CIMAP3: variants seen among roughly 807,000 people sequenced by gnomAD.
The protein encoded by CIMAP3 is ciliary microtubule-associated protein 3.
At chr1:111,351,558 G>A in the CIMAP3 span, 62,664 of 364,936 alleles carry the variant, frequency 0.17, 6,072 homozygotes, top group East Asian at 0.34. Flanking sequence ...GTGGGTTTCT[G>A]TTGGGTGCTG....
At chr1:111,328,023 T>A in the CIMAP3 span, among the ~76,000 whole-genome samples, 1 of 152,206 alleles carries the variant, frequency 6.6e-6, no homozygotes, top group Non-Finnish European at 1.5e-5. Context: ...TTTAGCTGGG[T>A]CCCAGAGATT....
chr1:111,348,526 C>G, the CIMAP3 span: 8 of 1,603,582 alleles, frequency 5.0e-6, no homozygotes, highest in Non-Finnish European at 6.8e-6. Context: ...GAAATGACAC[C>G]TCATGCAGGC....
At chr1:111,351,878 C>T in the CIMAP3 span, 1 of 152,266 alleles carries the variant, frequency 6.6e-6, no homozygotes, top group African/African-American at 2.4e-5. Flanking sequence ...ATGACATCAT[C>T]CATTTAGTCT....
the CIMAP3 span, among the ~76,000 whole-genome samples, chr1:111,334,837 T>C: frequency 6.6e-6 from 1 of 151,968 alleles, no homozygotes; most frequent in Non-Finnish European, 1.5e-5. Context: ...TATTTGAAAA[T>C]AAACAGATGT....
the CIMAP3 span, among the ~76,000 whole-genome samples, chr1:111,335,499 G>A: frequency 2.6e-5 from 4 of 152,324 alleles, no homozygotes; most frequent in Admixed American, 6.5e-5. Flanking sequence ...TCCCACCCAA[G>A]TACTGTGCTT....
At chr1:111,343,573 T>C in the CIMAP3 span, among the ~76,000 whole-genome samples, 1 of 152,252 alleles carries the variant, frequency 6.6e-6, no homozygotes, top group South Asian at 2.1e-4. Flanking sequence ...CCTTTGTGCA[T>C]GGTCATCATT....
chr1:111,336,802 A>G, the CIMAP3 span, among the ~76,000 whole-genome samples: 1 of 152,176 alleles, frequency 6.6e-6, no homozygotes, highest in African/African-American at 2.4e-5. Context: ...AACTTCCCCA[A>G]TCTAGCAAGG....
chr1:111,340,564 C>T, the CIMAP3 span, among the ~76,000 whole-genome samples: 1 of 152,092 alleles, frequency 6.6e-6, no homozygotes, highest in Non-Finnish European at 1.5e-5. Flanking sequence ...ACAGACACTT[C>T]TCAAAAGAAG....
chr1:111,346,566 T>A, the CIMAP3 span: 3 of 1,599,872 alleles, frequency 1.9e-6, no homozygotes, highest in Non-Finnish European at 1.7e-6. Context: ...CCTCTCCCCC[T>A]CCCCGCGCTC....
chr1:111,339,657 A>G, the CIMAP3 span, among the ~76,000 whole-genome samples: 1 of 151,896 alleles, frequency 6.6e-6, no homozygotes, highest in Non-Finnish European at 1.5e-5. Context: ...AGGGATGTGA[A>G]GGACCTCTTC....
chr1:111,326,023 T>C, the CIMAP3 span, among the ~76,000 whole-genome samples: 2 of 152,192 alleles, frequency 1.3e-5, no homozygotes, highest in African/African-American at 4.8e-5. Context: ...GCTGTTTTTT[T>C]ACTGATGCAT....
the CIMAP3 span, chr1:111,324,975 C>A: frequency 1.3e-6 from 1 of 753,664 alleles, no homozygotes; most frequent in South Asian, 6.0e-5. Flanking sequence ...AGAATATTCA[C>A]AAGGTCTCTG....
chr1:111,340,988 A>C, the CIMAP3 span, among the ~76,000 whole-genome samples: 1 of 151,800 alleles, frequency 6.6e-6, no homozygotes, highest in Admixed American at 6.6e-5. Flanking sequence ...CTGGATTAAG[A>C]AAATGTGGCA....
At chr1:111,336,995 T>G in the CIMAP3 span, among the ~76,000 whole-genome samples, 1 of 151,930 alleles carries the variant, frequency 6.6e-6, no homozygotes, top group South Asian at 2.1e-4. Flanking sequence ...TAACAGCAGA[T>G]CTCTCAGCAG....
chr1:111,347,136 T>G, the CIMAP3 span: 2 of 1,439,230 alleles, frequency 1.4e-6, no homozygotes, highest in South Asian at 2.8e-5. Context: ...AAGAAAAAAT[T>G]CTGTGGGACT....
chr1:111,351,849 A>C, the CIMAP3 span: 2 of 152,460 alleles, frequency 1.3e-5, no homozygotes, highest in African/African-American at 4.8e-5. Context: ...CTCAAAAACC[A>C]AAAAATTGCC....
chr1:111,349,785 C>T, the CIMAP3 span: 1 of 213,976 alleles, frequency 4.7e-6, no homozygotes, highest in African/African-American at 2.3e-5. Flanking sequence ...TTCATCACTG[C>T]TTTAGATCTC....
At chr1:111,324,749 G>T in the CIMAP3 span, 1 of 985,408 alleles carries the variant, frequency 1.0e-6, no homozygotes, top group Non-Finnish European at 1.2e-6. Context: ...AGGCTTACTG[G>T]AAGTTCCCCT....
chr1:111,325,463 T>C, the CIMAP3 span, among the ~76,000 whole-genome samples: 1 of 152,310 alleles, frequency 6.6e-6, no homozygotes, highest in Non-Finnish European at 1.5e-5. Context: ...GTAGAAATTA[T>C]ATTTTCCTCC....
Sources: gnomAD v4.1 joint callset for allele counts (sites outside exome capture counted in the v4.1 genomes callset) on GRCh38, gnomAD v4.1.1 for gene constraint, MANE v1.5 for transcripts, NCBI Gene and HGNC (gene_info 2026-07-23, HGNC 2026-07-21) for gene names.